Variants in CFAP299 observed in about 807,000 individuals in gnomAD.
The protein encoded by CFAP299 is cilia- and flagella-associated protein 299.
A neutral mutation model predicts 27.0 loss-of-function variants in CFAP299; 21 were observed. That is an observed-to-expected ratio of 0.78 (90% CI 0.55 to 1.12). CFAP299 has a LOEUF of 1.12. Ranked by LOEUF, CFAP299 falls within the 50% of genes most tolerant of loss-of-function variation. The pLI is 0.00. For missense variants in CFAP299, 310 were observed against 276.6 expected (o/e 1.12, Z -0.86); for synonymous variants, 104 against 98.1 (o/e 1.06, Z -0.36).
intron 4 of CFAP299, among the ~76,000 whole-genome samples, chr4:80,925,568 A>C (rs947996682): frequency 7.8e-4 from 118 of 151,940 alleles, no homozygotes; most frequent in African/African-American, 2.7e-3. Context: ...CAACCCATAC[A>C]CCTGCAATTA....
chr4:80,755,408 T>C lies in CFAP299; in HGVS notation c.334-114585T>C, dbSNP rs1349687291. 2.0e-5 allele frequency among the ~76,000 whole-genome samples: 3 copies of C among 152,274 alleles called. No individual in the cohort carries two copies. The East Asian group carries it at 5.8e-4, about 29-fold the overall frequency. On this transcript the variant is annotated intron_variant, in intron 3 of 5. Transcript: ENST00000358105. ...TATTTGATTGACTTGGGAACTATTC[T>C]TAATGTGCTTTCAATTATAAATTAT...
intron 2 of CFAP299, among the ~76,000 whole-genome samples, chr4:80,460,262 T>C (rs947167390): frequency 2.0e-5 from 3 of 151,922 alleles, no homozygotes; most frequent in African/African-American, 7.3e-5. Context: ...GTAGGAGGGG[T>C]AGGGGGAGCC....
intron 2 of CFAP299, among the ~76,000 whole-genome samples, chr4:80,480,929 G>A (rs1376204487): frequency 6.6e-6 from 1 of 151,962 alleles, no homozygotes; most frequent in Non-Finnish European, 1.5e-5. Context: ...TACCCTTAAA[G>A]TGTAACTAAT....
At chr4:80,800,043 A>C (rs1728321889) in intron 3 of CFAP299, among the ~76,000 whole-genome samples, 1 of 63,016 alleles carries the variant, frequency 1.6e-5, no homozygotes. Flanking sequence ...ATATAATAAT[A>C]TATAATAAAT....
chr4:80,897,277 C>T (rs1472087086), intron 4 of CFAP299, among the ~76,000 whole-genome samples: 1 of 152,134 alleles, frequency 6.6e-6, no homozygotes, highest in African/African-American at 2.4e-5. Flanking sequence ...TTATGAAATT[C>T]AGTAATTATA....
At chr4:80,777,531 A>C (rs1726622224) in intron 3 of CFAP299, among the ~76,000 whole-genome samples, 1 of 152,184 alleles carries the variant, frequency 6.6e-6, no homozygotes, top group Non-Finnish European at 1.5e-5. Flanking sequence ...TCATGTGGAT[A>C]TAAAACACTG....
chr4:80,536,409 C>T (rs923371830), intron 2 of CFAP299, among the ~76,000 whole-genome samples: 2 of 152,114 alleles, frequency 1.3e-5, no homozygotes, highest in Admixed American at 6.5e-5. Context: ...CGTTTGAAAG[C>T]AATCTTGAGC....
chr4:80,891,789 TAA>T (rs1355453928), intron 4 of CFAP299, among the ~76,000 whole-genome samples: 3 of 35,072 alleles, frequency 8.6e-5, no homozygotes, highest in South Asian at 1.0e-3. Context: ...AAAAAAAAAA[TAA>T]AAAAAAAAAT....
At chr4:80,528,184 C>T (rs1046406752) in intron 2 of CFAP299, among the ~76,000 whole-genome samples, 1 of 152,016 alleles carries the variant, frequency 6.6e-6, no homozygotes, top group Admixed American at 6.6e-5. Flanking sequence ...AAGGCTTTTC[C>T]ATCTTTGTAT....
chr4:80,377,970 C>T (rs1417989053), intron 2 of CFAP299, among the ~76,000 whole-genome samples: 1 of 152,148 alleles, frequency 6.6e-6, no homozygotes, highest in African/African-American at 2.4e-5. Context: ...ATAAACCCAA[C>T]AGATCTGATG....
chr4:80,644,856 C>T (rs1020168821), intron 3 of CFAP299, among the ~76,000 whole-genome samples: 1 of 152,036 alleles, frequency 6.6e-6, no homozygotes, highest in African/African-American at 2.4e-5. Flanking sequence ...TTAAAATGCC[C>T]AATTCATAGC....
intron 2 of CFAP299, among the ~76,000 whole-genome samples, chr4:80,451,052 G>A (rs1001481726): frequency 6.6e-6 from 1 of 152,066 alleles, no homozygotes; most frequent in Non-Finnish European, 1.5e-5. Flanking sequence ...GTATTAGCTT[G>A]CTAGGACTGC....
intron 3 of CFAP299, among the ~76,000 whole-genome samples, chr4:80,718,953 T>A (rs113457930): frequency 0.068 from 10,306 of 152,162 alleles, 421 homozygotes; most frequent in Middle Eastern, 0.088. Context: ...TGGAATACTA[T>A]GCAGCCATAA....
At chr4:80,612,115 C>T (rs1738015187) in intron 3 of CFAP299, among the ~76,000 whole-genome samples, 1 of 151,836 alleles carries the variant, frequency 6.6e-6, no homozygotes, top group Non-Finnish European at 1.5e-5. Flanking sequence ...GCAAAGAATC[C>T]ATACAAACAC....
At chr4:80,593,458 T>C (rs549117617) in intron 3 of CFAP299, among the ~76,000 whole-genome samples, 2 of 152,344 alleles carry the variant, frequency 1.3e-5, no homozygotes, top group South Asian at 4.1e-4. Flanking sequence ...GTCGTTGTCT[T>C]TTATTGAATG....
At chr4:80,739,965 T>C (rs906635219) in intron 3 of CFAP299, among the ~76,000 whole-genome samples, 1 of 152,218 alleles carries the variant, frequency 6.6e-6, no homozygotes, top group South Asian at 2.1e-4. Flanking sequence ...TTCTTCATCA[T>C]GTCATTTGCA....
chr4:80,618,603 A>G (rs934666907), intron 3 of CFAP299, among the ~76,000 whole-genome samples: 2 of 152,154 alleles, frequency 1.3e-5, no homozygotes, highest in African/African-American at 2.4e-5. Flanking sequence ...ATGGAAACAT[A>G]CGTAAAAATC....
Position 80,418,383 on chromosome 4 carries a change from T to G in CFAP299, c.242+55499T>G, listed in dbSNP as rs184745106. Among the ~76,000 whole-genome samples, 342 of 152,314 alleles carry G rather than the reference T, an allele frequency of 2.2e-3. 4 individuals carry two copies. Among genetic ancestry groups the G allele is most frequent in the African/African-American group, 8.0e-3 (332 of 41,572 alleles). On this transcript the variant is annotated intron_variant, in intron 2 of 5. Transcript: ENST00000358105. ...GTGTTATACATTGACAAATGACAGT[T>G]GTATATATTTATAGGATACAAAATA...
At chr4:80,944,704 G>T in intron 4 of CFAP299, 106 bp from the exon 5 acceptor site, 1 of 760,462 alleles carries the variant, frequency 1.3e-6, no homozygotes, top group Non-Finnish European at 2.1e-6. Context: ...TGGCATGTTT[G>T]TATCCACTTA....
Sources: gnomAD v4.1 joint callset for allele counts (sites outside exome capture counted in the v4.1 genomes callset) on GRCh38, gnomAD v4.1.1 for gene constraint, MANE v1.5 for transcripts, NCBI Gene and HGNC (gene_info 2026-07-23, HGNC 2026-07-21) for gene names.